MAX: variants seen among roughly 807,000 people sequenced by gnomAD.
MAX encodes MYC associated transcriptional regulator X.
A neutral mutation model predicts 22.3 loss-of-function variants in MAX; 3 were observed. The ratio of observed to expected loss-of-function variants is 0.13; its 90% confidence interval spans 0.06 to 0.35. MAX has a LOEUF of 0.35. Among genes scored for constraint, MAX ranks in the 10% least tolerant of loss-of-function variants. The pLI, the probability that MAX is intolerant of heterozygous loss-of-function variation, is 1.00. For synonymous variants in MAX, 72 were observed against 77.7 expected (o/e 0.93, Z 0.39); for missense variants, 119 against 209.4 (o/e 0.57, Z 2.66).
downstream of MAX, chr14:65,006,156 C>CTTTTTTTTTTTTTTT: frequency 6.7e-7 from 1 of 1,500,752 alleles, no homozygotes; most frequent in Non-Finnish European, 8.9e-7. Context: ...ACCTTTGTGT[C>CTTTTTTTTTTTTTTT]TTTTTTTTTT....
chr14:65,085,378 A>C (rs1010795101), intron 3 of MAX, among the ~76,000 whole-genome samples: 32 of 152,102 alleles, frequency 2.1e-4, no homozygotes, highest in African/African-American at 7.7e-4. Flanking sequence ...CCATTTTTCT[A>C]AAGTTTTTGC....
At chr14:65,057,140 C>G (rs1013613546) in intron 3 of MAX, among the ~76,000 whole-genome samples, 1 of 152,244 alleles carries the variant, frequency 6.6e-6, no homozygotes, top group Non-Finnish European at 1.5e-5. Context: ...CCCTCAAACC[C>G]AAACACATTC....
chr14:65,076,014 C>CG lies in MAX; in HGVS notation c.*461dup. The CG allele has an allele frequency of 9.0e-7, 1 of 1,106,216 alleles. No individual in the cohort carries two copies. Among genetic ancestry groups the CG allele is most frequent in the Admixed American group, 4.5e-5 (1 of 22,272 alleles). 68.5% of individuals were successfully genotyped at this position (1,106,216 alleles called of 1,614,324 possible). A position where few individuals can be genotyped will look rare whatever the true frequency, so the allele number is the denominator to read the frequency against. ...AGGGTTCATTCTGATTACTCCAAACCGGTCATCTTCTCAAAGTAGAGCAGT... is the reference window on the plus strand; with the variant it reads ...AGGGTTCATTCTGATTACTCCAAACCGGGTCATCTTCTCAAAGTAGAGCAGT... On this transcript the variant is annotated 3_prime_UTR_variant, in exon 5 of 5. Transcript: ENST00000358664. The surrounding 1 kb of genome is among the most constrained non-coding windows in gnomAD (Gnocchi z 6.6).
intron 3 of MAX, among the ~76,000 whole-genome samples, chr14:65,050,807 T>C (rs1451177454): frequency 6.6e-6 from 1 of 152,256 alleles, no homozygotes; most frequent in East Asian, 1.9e-4. Context: ...GCCTTAACAA[T>C]GTTTATTCCC....
At chr14:65,098,028 C>T (rs528456451) in intron 2 of MAX, among the ~76,000 whole-genome samples, 1 of 152,296 alleles carries the variant, frequency 6.6e-6, no homozygotes, top group African/African-American at 2.4e-5. Flanking sequence ...CATACTATAG[C>T]CATTTCAGAG....
At chr14:65,013,971 G>T (rs2061727465) in intron 3 of MAX, among the ~76,000 whole-genome samples, 1 of 152,178 alleles carries the variant, frequency 6.6e-6, no homozygotes, top group Non-Finnish European at 1.5e-5. Context: ...GTAAGATGAG[G>T]AGCTGGGATT....
intron 3 of MAX, among the ~76,000 whole-genome samples, chr14:65,034,200 C>G (rs894263170): frequency 6.6e-6 from 1 of 152,210 alleles, no homozygotes; most frequent in Non-Finnish European, 1.5e-5. Context: ...CTGGAGCCCT[C>G]TGCCCTCCTG....
At chr14:65,064,663 G>A (rs1595116782) in intron 3 of MAX, among the ~76,000 whole-genome samples, 1 of 152,322 alleles carries the variant, frequency 6.6e-6, no homozygotes, top group East Asian at 1.9e-4. Context: ...AGAATACAGT[G>A]CACCAATTGG....
chr14:65,027,361 G>GA lies in MAX; in HGVS notation c.172-21078dup. ...CCCCTCAACTTTTGAGGGAGTGGGGGATCATTGGAAAGGCCTGGAATCTAG... is the reference window on the plus strand; with the variant it reads ...CCCCTCAACTTTTGAGGGAGTGGGGGAATCATTGGAAAGGCCTGGAATCTAG... On this transcript the variant is annotated intron_variant, in intron 3 of 3. Transcript: ENST00000341653. The surrounding 1 kb of genome is among the most constrained non-coding windows in gnomAD (Gnocchi z 5.7). 1.3e-6 allele frequency: 2 copies of GA among 1,561,006 alleles called. No individual in the cohort carries two copies. The highest frequency in any genetic ancestry group is 1.8e-4 in the Middle Eastern group (1 of 5,654).
chr14:65,023,391 C>A lies in MAX; in HGVS notation c.172-17107G>T, dbSNP rs1384365291. 1.3e-5 allele frequency among the ~76,000 whole-genome samples: 2 copies of A among 152,126 alleles called. No individual in the cohort carries two copies. Among genetic ancestry groups the A allele is most frequent in the Non-Finnish European group, 2.9e-5 (2 of 68,026 alleles). On this transcript the variant is annotated intron_variant, in intron 3 of 3. Transcript: ENST00000341653. The surrounding 1 kb of genome is among the most constrained non-coding windows in gnomAD (Gnocchi z 4.1). The stretch of plus-strand genomic sequence containing the variant: ...ACTTTAGATCAGTCCTCAGCCATCA[C>A]CTAAGAGTCCCAAGTAAACTCCTTA...
intron 2 of MAX, among the ~76,000 whole-genome samples, chr14:65,096,825 AATTAATTAGGCCCT>A (rs1245548051): frequency 6.6e-6 from 1 of 152,180 alleles, no homozygotes; most frequent in African/African-American, 2.4e-5. Context: ...CCCCTTGTGG[AATTAATTAGGCCCT>A]ATTCTAGGAG....
At chr14:65,066,248 G>A (rs1566589528) in intron 3 of MAX, among the ~76,000 whole-genome samples, 1 of 152,234 alleles carries the variant, frequency 6.6e-6, no homozygotes, top group Non-Finnish European at 1.5e-5. Flanking sequence ...GGCTCAGTGA[G>A]GCCGTGATGA....
At chr14:65,102,282 A>G in intron 1 of MAX, 22 bp downstream of exon 1, 1 of 1,613,520 alleles carries the variant, frequency 6.2e-7, no homozygotes. Context: ...CCGCACGGGA[A>G]GGAAGAAGCC....
chr14:65,027,543 A>C lies in MAX; in HGVS notation c.172-21259T>G, dbSNP rs1298434058. On this transcript the variant is annotated intron_variant, in intron 3 of 3. Transcript: ENST00000341653. The surrounding 1 kb of genome is among the most constrained non-coding windows in gnomAD (Gnocchi z 5.7). ...ATCCACACCTTGCACCCACATATGC[A>C]GCAGTCAATGCATTGTGCATCATTG... 1 of 1,614,208 alleles carries C rather than the reference A, an allele frequency of 6.2e-7. No individual in the cohort carries two copies. The highest frequency in any genetic ancestry group is 1.1e-5 in the South Asian group (1 of 91,088).
chr14:65,011,685 G>A lies in MAX; in HGVS notation c.172-5401C>T, dbSNP rs2061685879. 6.6e-6 allele frequency among the ~76,000 whole-genome samples: 1 copy of A among 152,222 alleles called. No homozygotes were observed. Among genetic ancestry groups the A allele is most frequent in the Admixed American group, 6.5e-5 (1 of 15,282 alleles). The stretch of plus-strand genomic sequence containing the variant: ...GTGCTTTGCCCGGCCTGTGCAGGTG[G>A]CCATGGGCGGCACATTCCATCTTAA... On this transcript the variant is annotated intron_variant, in intron 3 of 3. Transcript: ENST00000341653. This position sits in a 1 kb window ranked among gnomAD's most constrained non-coding sequence, Gnocchi z 4.0.
intron 3 of MAX, among the ~76,000 whole-genome samples, chr14:65,046,539 T>A (rs918765275): frequency 1.3e-5 from 2 of 152,194 alleles, no homozygotes; most frequent in Non-Finnish European, 2.9e-5. Context: ...AAGCTTTGTC[T>A]ATGGAAAAGG....
chr14:65,032,345 T>A lies in MAX; in HGVS notation c.172-26061A>T. 3.1e-6 allele frequency: 1 copy of A among 324,356 alleles called. No homozygotes were observed. The highest frequency in any genetic ancestry group is 5.6e-6 in the Non-Finnish European group (1 of 178,068). 20.1% of individuals were successfully genotyped at this position (324,356 alleles called of 1,614,324 possible). The stretch of plus-strand genomic sequence containing the variant: ...TGACATGAATTGATATGGCTGTTAT[T>A]TCCTCTGATGTAGATTGGACCATGT... On this transcript the variant is annotated intron_variant, in intron 3 of 3. Transcript: ENST00000341653. The surrounding 1 kb of genome is among the most constrained non-coding windows in gnomAD (Gnocchi z 5.0).
In MAX at chr14:65,027,903, G is replaced by T; in HGVS notation, c.172-21619C>A. ...TGCTTTGTCCCAGAATGACACATGG[G>T]ATGACATGTCAGTGACACGTCAGAA... On this transcript the variant is annotated intron_variant, in intron 3 of 3. Coordinates refer to the MAX transcript ENST00000341653. The surrounding 1 kb of genome is among the most constrained non-coding windows in gnomAD (Gnocchi z 5.7). 1 of 1,275,384 alleles carries T rather than the reference G, an allele frequency of 7.8e-7. No homozygotes were observed. The highest frequency in any genetic ancestry group is 1.1e-6 in the Non-Finnish European group (1 of 905,942). 79.0% of individuals were successfully genotyped at this position (1,275,384 alleles called of 1,614,324 possible). A position where few individuals can be genotyped will look rare whatever the true frequency, so the allele number is the denominator to read the frequency against.
At chr14:65,039,913 G>C (rs1317969739) in intron 3 of MAX, among the ~76,000 whole-genome samples, 2 of 152,352 alleles carry the variant, frequency 1.3e-5, no homozygotes, top group East Asian at 1.9e-4. Flanking sequence ...CAGAGGCCAA[G>C]TGCGGTGGCC....
Sources: allele counts gnomAD v4.1 joint callset (sites outside exome capture counted in the v4.1 genomes callset), GRCh38; gene constraint gnomAD v4.1.1; non-coding constraint Gnocchi (gnomAD v3.1); transcripts MANE v1.5; gene names NCBI Gene and HGNC (gene_info 2026-07-23, HGNC 2026-07-21).